The following MTMR9 variants were observed in gnomAD, a reference collection of about 807,000 sequenced individuals.
The protein encoded by MTMR9 is myotubularin related protein 9.
In MTMR9, 39 loss-of-function variants were observed where a neutral mutation model predicts 69.5. The observed-to-expected ratio is 0.56, with a 90% CI of 0.43 to 0.73. MTMR9 has a LOEUF of 0.73. Among genes scored for constraint, MTMR9 ranks in the 30% least tolerant of loss-of-function variants. The pLI, the probability that MTMR9 is intolerant of heterozygous loss-of-function variation, is 0.00. For missense variants in MTMR9, 900 were observed against 671.2 expected (o/e 1.34, Z -3.77); for synonymous variants, 354 against 240.8 (o/e 1.47, Z -4.35).
rs988312406 is a variant in MTMR9, at chr8:11,305,034, G to A, written c.591+20G>A. 1.9e-6 allele frequency: 3 copies of A among 1,607,788 alleles called. No homozygotes were observed. The highest frequency in any genetic ancestry group is 2.6e-6 in the Non-Finnish European group (3 of 1,175,356). Reference sequence around the variant, plus strand: ...GGGATGGTAAGTGCACAGCACTACTGCTTGATGTACTGAAAGGCTTGGGTT... The same window carrying A: ...GGGATGGTAAGTGCACAGCACTACTACTTGATGTACTGAAAGGCTTGGGTT... On this transcript the variant is annotated intron_variant, in intron 4 of 9. Coordinates refer to ENST00000221086, the MANE Select transcript of MTMR9 (RefSeq NM_015458.4).
At chr8:11,299,877 G>T (rs1050400087) in intron 2 of MTMR9, 146 bp from the exon 3 acceptor site, 1 of 920,178 alleles carries the variant, frequency 1.1e-6, no homozygotes, top group Non-Finnish European at 1.6e-6. Flanking sequence ...GACTAAAATT[G>T]TATCTGGTGA....
intron 1 of MTMR9, among the ~76,000 whole-genome samples, chr8:11,287,763 A>G (rs1799218164): frequency 7.6e-6 from 1 of 132,222 alleles, no homozygotes; most frequent in African/African-American, 2.9e-5. Context: ...TTTATTATTT[A>G]TTTATTATAT....
intron 1 of MTMR9, among the ~76,000 whole-genome samples, chr8:11,286,691 A>AGTCTTCAGTGGT (rs1653505237): frequency 9.5e-6 from 1 of 105,410 alleles, no homozygotes; most frequent in African/African-American, 3.7e-5. Context: ...AAAAAAAAAA[A>AGTCTTCAGTGGT]GTCTTCAGTG....
Position 11,322,772 on chromosome 8 carries a change from T to A in MTMR9, c.1634T>A (p.Met545Lys). ...QLAELETEDG[M>K]QESP ...GCAGAACTGGAAACAGAGGACGGGA[T>A]GCAGGAGAGTCCCTGAAAGGTCTCC... Residue 545 changes from methionine (M) to lysine (K), a missense_variant, in exon 10 of 10, where the codon ATG becomes AAG. Coordinates refer to ENST00000221086, the MANE Select transcript of MTMR9 (RefSeq NM_015458.4). 1 of 1,613,970 alleles carries A rather than the reference T, an allele frequency of 6.2e-7. No homozygotes were observed. Among genetic ancestry groups the A allele is most frequent in the South Asian group, 1.1e-5 (1 of 91,056 alleles).
At chr8:11,331,991 A>G (rs777736410), downstream of MTMR9, 2 of 1,611,796 alleles carry the variant, frequency 1.2e-6, no homozygotes, top group Admixed American at 1.7e-5. Context: ...TGGCCCTTAT[A>G]CTGCAGTATT....
downstream of MTMR9, among the ~76,000 whole-genome samples, chr8:11,329,486 G>C (rs1260652084): frequency 1.3e-5 from 2 of 152,204 alleles, no homozygotes; most frequent in Admixed American, 6.5e-5. Context: ...ACTGGTTTTC[G>C]TATTTTTTTG....
At chr8:11,318,657 T>G (rs1039505501) in intron 8 of MTMR9, 1 of 152,240 alleles carries the variant, frequency 6.6e-6, no homozygotes, top group African/African-American at 2.4e-5. Context: ...ACTGTTATCC[T>G]TCTCTAACAG....
intron 5 of MTMR9, among the ~76,000 whole-genome samples, chr8:11,308,230 G>A (rs1218426457): frequency 1.3e-5 from 2 of 152,172 alleles, no homozygotes; most frequent in African/African-American, 4.8e-5. Context: ...ATGGTGTGAG[G>A]TAAGGGTTGA....
At chr8:11,337,007 G>GA in the MTMR9 span, among the ~76,000 whole-genome samples, 1 of 152,014 alleles carries the variant, frequency 6.6e-6, no homozygotes, top group East Asian at 1.9e-4. Context: ...GTTTTTCAAA[G>GA]AAAAAATGGT....
At chr8:11,310,702 G>C (rs759734600) in intron 6 of MTMR9, among the ~76,000 whole-genome samples, 5 of 152,076 alleles carry the variant, frequency 3.3e-5, no homozygotes, top group Non-Finnish European at 7.4e-5. Flanking sequence ...TTAATACTGA[G>C]GGTTTTTTTC....
At chr8:11,337,357 G>A in the MTMR9 span, among the ~76,000 whole-genome samples, 4 of 152,208 alleles carry the variant, frequency 2.6e-5, no homozygotes, top group Admixed American at 2.0e-4. Flanking sequence ...GTGGTACAAG[G>A]TGCAGCAACT....
chr8:11,300,867 A>T (rs1359012016), intron 3 of MTMR9: 1 of 152,218 alleles, frequency 6.6e-6, no homozygotes, highest in African/African-American at 2.4e-5. Context: ...CAATTGGAAG[A>T]CAATATTGTT....
intron 5 of MTMR9, among the ~76,000 whole-genome samples, chr8:11,308,747 A>G (rs1281870384): frequency 6.6e-6 from 1 of 152,064 alleles, no homozygotes; most frequent in East Asian, 1.9e-4. Context: ...CTCTGTTTTT[A>G]GTGAAAGAAC....
rs1800846008 is a variant in MTMR9, at chr8:11,324,685, GT to G, written c.*1901del. The G allele has an allele frequency of 6.6e-6, 1 of 152,114 alleles. No homozygotes were observed. Among genetic ancestry groups the G allele is most frequent in the Non-Finnish European group, 1.5e-5 (1 of 68,020 alleles). The allele number at this position is 152,114 out of a possible 1,614,324, so 9.4% of individuals were successfully genotyped here. On this transcript the variant is annotated 3_prime_UTR_variant, in exon 10 of 10. Transcript: ENST00000221086. ...GCATATAAGGAAAACCATCTAGAGA[GT>G]TTTCTTTAGAAGTGACTCCCATTAG...
chr8:11,328,531 T>TA (rs1801050461), downstream of MTMR9, among the ~76,000 whole-genome samples: 1 of 152,126 alleles, frequency 6.6e-6, no homozygotes, highest in African/African-American at 2.4e-5. Flanking sequence ...TCATTGAGGG[T>TA]AAAAGGAAAG....
chr8:11,294,310 T>C (rs990627715), intron 1 of MTMR9, among the ~76,000 whole-genome samples: 30 of 152,122 alleles, frequency 2.0e-4, no homozygotes, highest in African/African-American at 7.2e-4. Flanking sequence ...TATTCATGAT[T>C]TTAGAGAGAA....
the MTMR9 span, among the ~76,000 whole-genome samples, chr8:11,339,124 A>T: frequency 6.6e-6 from 1 of 152,334 alleles, no homozygotes; most frequent in African/African-American, 2.4e-5. Flanking sequence ...AATCCCCTTA[A>T]CATTTCTTTT....
chr8:11,336,070 AC>A, the MTMR9 span, among the ~76,000 whole-genome samples: 1 of 152,244 alleles, frequency 6.6e-6, no homozygotes, highest in Non-Finnish European at 1.5e-5. Flanking sequence ...TTTGGTGAGG[AC>A]AAATCACTCC....
downstream of MTMR9, chr8:11,331,570 G>A: frequency 6.2e-7 from 1 of 1,613,852 alleles, no homozygotes; most frequent in Non-Finnish European, 8.5e-7. Flanking sequence ...CAGGGTCTCG[G>A]TGGCTACGAG....
Sources: gnomAD v4.1 joint callset for allele counts (sites outside exome capture counted in the v4.1 genomes callset) on GRCh38, gnomAD v4.1.1 for gene constraint, MANE v1.5 for transcripts, NCBI Gene and HGNC (gene_info 2026-07-23, HGNC 2026-07-21) for gene names.